Variants in SPATA17 observed in about 807,000 individuals in gnomAD.
SPATA17 encodes spermatogenesis-associated protein 17.
Under a neutral mutation model 62.2 loss-of-function variants are expected in SPATA17, and 53 were observed. The observed-to-expected ratio is 0.85, with a 90% CI of 0.68 to 1.07. The LOEUF is 1.07. Ranked by LOEUF, SPATA17 falls within the 50% of genes least tolerant of loss-of-function variation. The pLI, the probability that SPATA17 is intolerant of heterozygous loss-of-function variation, is 0.00. For synonymous variants in SPATA17, 146 were observed against 146.8 expected, an observed-to-expected ratio of 0.99 and a Z score of 0.04; for missense variants, 466 against 425.5, an observed-to-expected ratio of 1.10 and a Z score of -0.84.
chr1:217,663,086 G>A (rs189898712), intron 3 of SPATA17, among the ~76,000 whole-genome samples: 36 of 152,114 alleles, frequency 2.4e-4, no homozygotes, highest in Admixed American at 2.6e-4. Flanking sequence ...AATATTACTG[G>A]TAACTGGGAG....
intron 7 of SPATA17, among the ~76,000 whole-genome samples, chr1:217,778,160 A>G (rs755101205): frequency 2.0e-5 from 3 of 152,158 alleles, no homozygotes; most frequent in Non-Finnish European, 4.4e-5. Context: ...TGTTAAATGT[A>G]TTAACTACTC....
chr1:217,782,086 A>G, intron 7 of SPATA17, 88 bp from the exon 8 acceptor site: 1 of 1,314,224 alleles, frequency 7.6e-7, no homozygotes, highest in Non-Finnish European at 1.0e-6. Context: ...AACCTGCTAT[A>G]CTTTGTAGAT....
chr1:217,651,049 C>A (rs1165020999), intron 2 of SPATA17, 48 bp from the exon 3 acceptor site: 2 of 1,391,790 alleles, frequency 1.4e-6, no homozygotes, highest in Non-Finnish European at 2.0e-6. Flanking sequence ...ATTTAACTGA[C>A]CTTGTTTCAA....
chr1:217,682,427 C>T (rs979116314), intron 4 of SPATA17, among the ~76,000 whole-genome samples: 1 of 150,664 alleles, frequency 6.6e-6, no homozygotes, highest in African/African-American at 2.4e-5. Context: ...ATTTGAATGT[C>T]AGCATTGAAG....
rs565556691 is a variant in SPATA17, at chr1:217,717,238, G to T, written c.396-24737G>T. 8.5e-4 allele frequency among the ~76,000 whole-genome samples: 130 copies of T among 152,250 alleles called. 1 individual carries two copies. The highest frequency in any genetic ancestry group is 2.4e-3 in the Admixed American group (36 of 15,290). The stretch of plus-strand genomic sequence containing the variant: ...CATGTGACTTAGTCATGGCCAATGA[G>T]ACATTAGAAGGATATTAAAAGAAAC... On this transcript the variant is annotated intron_variant, in intron 5 of 10. Coordinates refer to ENST00000366933, the MANE Select transcript of SPATA17 (RefSeq NM_138796.4).
chr1:217,790,891 C>G (rs1008560038), intron 8 of SPATA17, among the ~76,000 whole-genome samples: 1 of 152,108 alleles, frequency 6.6e-6, no homozygotes, highest in African/African-American at 2.4e-5. Context: ...AGCACTGGTT[C>G]TATTTATCAT....
At chr1:217,865,769 G>C (rs1258437916) in intron 10 of SPATA17, among the ~76,000 whole-genome samples, 14 of 152,196 alleles carry the variant, frequency 9.2e-5, no homozygotes, top group Non-Finnish European at 1.8e-4. Flanking sequence ...TCTGGCATCA[G>C]TGTGAGTTTT....
chr1:217,650,614 C>T (rs1034497071), intron 2 of SPATA17, among the ~76,000 whole-genome samples: 1 of 151,366 alleles, frequency 6.6e-6, no homozygotes, highest in Non-Finnish European at 1.5e-5. Context: ...GAGACAGGGG[C>T]GGTTTCACCG....
At chr1:217,725,227 G>A (rs1385611046) in intron 5 of SPATA17, among the ~76,000 whole-genome samples, 1 of 152,070 alleles carries the variant, frequency 6.6e-6, no homozygotes, top group Non-Finnish European at 1.5e-5. Context: ...CTTACTGTAA[G>A]TGCCATCTTA....
rs187371743 is a variant in SPATA17 at position 217,868,291 on chromosome 1, G to A, written c.*1272G>A. ...TACAGATGCAGTGATATGTTGGCTG[G>A]GATTTAATTTGAAAGTCAAAGAAGT... On this transcript the variant is annotated 3_prime_UTR_variant, in exon 11 of 11. Transcript: ENST00000366933. 3 of 152,138 alleles carry A rather than the reference G, an allele frequency of 2.0e-5. No individual in the cohort carries two copies. Among genetic ancestry groups the A allele is most frequent in the Admixed American group, 1.3e-4 (2 of 15,276 alleles). The allele number at this position is 152,138 out of a possible 1,614,324, so 9.4% of individuals were successfully genotyped here.
At chr1:217,847,541 A>G (rs1023662553) in intron 9 of SPATA17, among the ~76,000 whole-genome samples, 34 of 152,182 alleles carry the variant, frequency 2.2e-4, no homozygotes, top group African/African-American at 6.8e-4. Context: ...AAATGTGTAC[A>G]TAATTTTCCC....
At chr1:217,699,664 A>G (rs567405873) in intron 5 of SPATA17, among the ~76,000 whole-genome samples, 4 of 152,034 alleles carry the variant, frequency 2.6e-5, no homozygotes, top group African/African-American at 9.6e-5. Context: ...TTGTCTTTTC[A>G]TTCTCTTAGT....
In SPATA17 at chr1:217,750,052, T is replaced by C. The variant is rs537799071; in HGVS notation, c.519+7954T>C. ...CTGGTGATTTGCCATATTGTGGAAATTCAGAAGCCTCCCCTCTACCTCTCA... is the reference window on the plus strand; with the variant it reads ...CTGGTGATTTGCCATATTGTGGAAACTCAGAAGCCTCCCCTCTACCTCTCA... On this transcript the variant is annotated intron_variant, in intron 6 of 10. Transcript: ENST00000366933. Among the ~76,000 whole-genome samples, 6 of 140,154 alleles carry C rather than the reference T, an allele frequency of 4.3e-5. No individual in the cohort carries two copies. In the East Asian group the frequency reaches 8.4e-4, roughly 20 times the overall value. The allele number at this position is 140,154 out of a possible 152,430, so 91.9% of individuals were successfully genotyped here.
At chr1:217,749,985 C>CTATATATATATATATATATATATATATA (rs57489651) in intron 6 of SPATA17, among the ~76,000 whole-genome samples, 13 of 12,306 alleles carry the variant, frequency 1.1e-3, no homozygotes, top group Non-Finnish European at 1.4e-3. Context: ...CTCTCTCTCT[C>CTATATATATATATATATATATATATATA]TATATATATA....
At chr1:217,673,666 A>G (rs1255359108) in intron 4 of SPATA17, among the ~76,000 whole-genome samples, 1 of 152,140 alleles carries the variant, frequency 6.6e-6, no homozygotes, top group Admixed American at 6.5e-5. Context: ...ATCTTCTGAC[A>G]GCCTTGTGTA....
chr1:217,757,528 C>T (rs1444178299), intron 6 of SPATA17, among the ~76,000 whole-genome samples: 1 of 152,162 alleles, frequency 6.6e-6, no homozygotes, highest in East Asian at 1.9e-4. Context: ...TCCTGATGCA[C>T]AAACTGCAAA....
At chr1:217,789,807 C>A (rs1428173848) in intron 8 of SPATA17, among the ~76,000 whole-genome samples, 1 of 151,972 alleles carries the variant, frequency 6.6e-6, no homozygotes, top group African/African-American at 2.4e-5. Context: ...GGCTGAGCCA[C>A]GTGGATCACT....
At chr1:217,658,312 G>T (rs908159567) in intron 3 of SPATA17, among the ~76,000 whole-genome samples, 3 of 152,132 alleles carry the variant, frequency 2.0e-5, no homozygotes, top group Non-Finnish European at 4.4e-5. Flanking sequence ...AAGGAGTCTG[G>T]CAGCTTGAAC....
At chr1:217,732,359 G>A (rs1672420448) in intron 5 of SPATA17, among the ~76,000 whole-genome samples, 1 of 152,192 alleles carries the variant, frequency 6.6e-6, no homozygotes, top group Non-Finnish European at 1.5e-5. Context: ...TCCCTTGTCT[G>A]TGTTTAGTGG....
Sources: gnomAD v4.1 joint callset for allele counts (sites outside exome capture counted in the v4.1 genomes callset) on GRCh38, gnomAD v4.1.1 for gene constraint, MANE v1.5 for transcripts, NCBI Gene and HGNC (gene_info 2026-07-23, HGNC 2026-07-21) for gene names.